TEAD1: variants seen among roughly 807,000 people sequenced by gnomAD.
TEAD1 encodes TEA domain transcription factor 1, also known as transcriptional enhancer factor TEF-1.
A neutral mutation model predicts 54.9 loss-of-function variants in TEAD1; 9 were observed. That is an observed-to-expected ratio of 0.16 (90% CI 0.10 to 0.29). The LOEUF (loss-of-function observed/expected upper bound fraction) is 0.29. Among genes scored for constraint, TEAD1 ranks in the 10% least tolerant of loss-of-function variants. TEAD1 has a pLI of 1.00. For missense variants in TEAD1, 387 were observed against 535.9 expected (o/e 0.72, Z 2.74); for synonymous variants, 200 against 187.8 (o/e 1.07, Z -0.53).
intron 2 of TEAD1, among the ~76,000 whole-genome samples, chr11:12,696,409 G>C (rs976359979): frequency 2.6e-5 from 4 of 152,180 alleles, no homozygotes; most frequent in Non-Finnish European, 4.4e-5. Context: ...CCCTAACTGG[G>C]GAGTAGATGT....
At chr11:12,844,820 A>G (rs1306649215) in intron 3 of TEAD1, among the ~76,000 whole-genome samples, 1 of 152,136 alleles carries the variant, frequency 6.6e-6, no homozygotes, top group Non-Finnish European at 1.5e-5. Context: ...TATTGTGATT[A>G]AGAGGAAACC....
chr11:12,845,591 C>G (rs1437392968), intron 3 of TEAD1, among the ~76,000 whole-genome samples: 5 of 152,214 alleles, frequency 3.3e-5, no homozygotes, highest in African/African-American at 7.2e-5. Flanking sequence ...TAAATGGGAA[C>G]TGCACAGCCA....
At chr11:12,920,675 A>G (rs1450315531) in intron 10 of TEAD1, among the ~76,000 whole-genome samples, 1 of 152,274 alleles carries the variant, frequency 6.6e-6, no homozygotes, top group Non-Finnish European at 1.5e-5. Context: ...CTTTCAGAAC[A>G]ACTTGATTAA....
intron 3 of TEAD1, among the ~76,000 whole-genome samples, chr11:12,821,959 TC>T (rs767349761): frequency 1.1e-5 from 1 of 87,546 alleles, no homozygotes; most frequent in Admixed American, 1.7e-4. Context: ...TTTTCTCTTT[TC>T]CTTTTTTTTT....
chr11:12,737,226 A>C (rs1944553984), intron 2 of TEAD1, among the ~76,000 whole-genome samples: 1 of 152,150 alleles, frequency 6.6e-6, no homozygotes. Context: ...AGCCCAAGTT[A>C]AAACTTCTCA....
At chr11:12,789,586 C>T (rs1157344830) in intron 3 of TEAD1, among the ~76,000 whole-genome samples, 1 of 152,186 alleles carries the variant, frequency 6.6e-6, no homozygotes, top group Non-Finnish European at 1.5e-5. Flanking sequence ...GCGGTGGGAA[C>T]CCAGAGTCCT....
chr11:12,787,193 A>G (rs922529376), intron 3 of TEAD1, among the ~76,000 whole-genome samples: 19 of 152,212 alleles, frequency 1.2e-4, no homozygotes, highest in African/African-American at 4.1e-4. Flanking sequence ...GGGGTGGGCC[A>G]TGGGATTTGA....
intron 2 of TEAD1, among the ~76,000 whole-genome samples, chr11:12,758,996 T>C (rs1945047486): frequency 6.6e-6 from 1 of 152,032 alleles, no homozygotes; most frequent in South Asian, 2.1e-4. Flanking sequence ...CCAGCTCTTC[T>C]CCTGTGACCT....
At chr11:12,819,312 A>G (rs527837207) in intron 3 of TEAD1, among the ~76,000 whole-genome samples, 1 of 151,068 alleles carries the variant, frequency 6.6e-6, no homozygotes, top group South Asian at 2.1e-4. Flanking sequence ...TGCTGTCTGA[A>G]ATGCTTTAAA....
At chr11:12,726,775 C>T (rs1944321857) in intron 2 of TEAD1, among the ~76,000 whole-genome samples, 2 of 151,086 alleles carry the variant, frequency 1.3e-5, no homozygotes, top group Non-Finnish European at 3.0e-5. Flanking sequence ...GAGGTTGAGG[C>T]TACAGTGAGC....
intron 3 of TEAD1, among the ~76,000 whole-genome samples, chr11:12,850,205 G>T (rs1947245154): frequency 1.3e-5 from 2 of 152,166 alleles, no homozygotes; most frequent in Admixed American, 6.5e-5. Context: ...GGAGGCCGAG[G>T]CGTGTGTATC....
chr11:12,776,613 C>A (rs189875069), intron 3 of TEAD1, among the ~76,000 whole-genome samples: 1 of 151,836 alleles, frequency 6.6e-6, no homozygotes, highest in Non-Finnish European at 1.5e-5. Context: ...AATAAACTTG[C>A]AATCCGAATG....
chr11:12,813,179 C>A (rs1270350903), intron 3 of TEAD1, among the ~76,000 whole-genome samples: 1 of 152,110 alleles, frequency 6.6e-6, no homozygotes, highest in East Asian at 1.9e-4. Context: ...AGGCAGTGGG[C>A]AAACTGGGGG....
At chr11:12,842,369 G>A (rs1414417828) in intron 3 of TEAD1, among the ~76,000 whole-genome samples, 1 of 152,166 alleles carries the variant, frequency 6.6e-6, no homozygotes, top group Non-Finnish European at 1.5e-5. Flanking sequence ...CCTGGAAACA[G>A]GAAGTTGAGA....
At chr11:12,859,734 T>C (rs1346602512) in intron 3 of TEAD1, among the ~76,000 whole-genome samples, 1 of 152,062 alleles carries the variant, frequency 6.6e-6, no homozygotes, top group Non-Finnish European at 1.5e-5. Context: ...ATAGACTGAA[T>C]CTAAGGGGAT....
chr11:12,782,086 G>A (rs1008844256), intron 3 of TEAD1, among the ~76,000 whole-genome samples: 1 of 152,014 alleles, frequency 6.6e-6, no homozygotes, highest in Admixed American at 6.6e-5. Flanking sequence ...GGAGGTGGAG[G>A]TTGCAGTGAG....
chr11:12,712,421 A>G (rs1050247740), intron 2 of TEAD1, among the ~76,000 whole-genome samples: 1 of 152,206 alleles, frequency 6.6e-6, no homozygotes, highest in Admixed American at 6.6e-5. Context: ...CTGTCGGTGC[A>G]TGATGACCGC....
At chr11:12,926,229 G>A (rs1434203950) in intron 11 of TEAD1, among the ~76,000 whole-genome samples, 1 of 152,124 alleles carries the variant, frequency 6.6e-6, no homozygotes, top group African/African-American at 2.4e-5. Context: ...TAAGACCCTG[G>A]GCTAAGCAAT....
rs1007436842 is a variant in TEAD1, at chr11:12,943,261, A to G, written c.*6039A>G. On this transcript the variant is annotated 3_prime_UTR_variant, in exon 13 of 13. Transcript: ENST00000527636. ...TTATAGTTAGCAGCTGGAATTCTCAACTCTTCCCTGCCAGCACTATACCAC... is the reference window on the plus strand; with the variant it reads ...TTATAGTTAGCAGCTGGAATTCTCAGCTCTTCCCTGCCAGCACTATACCAC... The G allele has an allele frequency of 3.3e-5, 5 of 152,522 alleles. No individual in the cohort carries two copies. Among genetic ancestry groups the G allele is most frequent in the Admixed American group, 2.0e-4 (3 of 15,272 alleles). 9.4% of individuals were successfully genotyped at this position (152,522 alleles called of 1,614,324 possible). A position where few individuals can be genotyped will look rare whatever the true frequency, so the allele number is the denominator to read the frequency against.
Sources: gnomAD v4.1 joint callset for allele counts (sites outside exome capture counted in the v4.1 genomes callset) on GRCh38, gnomAD v4.1.1 for gene constraint, MANE v1.5 for transcripts, NCBI Gene and HGNC (gene_info 2026-07-23, HGNC 2026-07-21) for gene names.